The following NCALD variants were observed in gnomAD, a reference collection of about 807,000 sequenced individuals.
NCALD encodes neurocalcin-delta.
A neutral mutation model predicts 18.6 loss-of-function variants in NCALD; 10 were observed. That is an observed-to-expected ratio of 0.54 (90% CI 0.33 to 0.91). The LOEUF (loss-of-function observed/expected upper bound fraction) is 0.91. NCALD is among the 40% of genes least tolerant of loss of function. The probability of loss-of-function intolerance (pLI) is 0.03; values close to 1 mark genes in which losing one functional copy is unlikely to be tolerated. For synonymous variants in NCALD, 88 were observed against 87.4 expected (o/e 1.01, Z -0.04); for missense variants, 184 against 247.6 (o/e 0.74, Z 1.72).
At chr8:101,693,318 GTTTTTTTTTTTT>G (rs71276999) in intron 2 of NCALD, 4 of 60,010 alleles carry the variant, frequency 6.7e-5, no homozygotes, top group Admixed American at 2.3e-4. Context: ...CACACAGGGC[GTTTTTTTTTTTT>G]TTTTTTTTTT....
At chr8:101,794,278 A>C (rs1276386158), upstream of NCALD, among the ~76,000 whole-genome samples, 2 of 152,246 alleles carry the variant, frequency 1.3e-5, no homozygotes, top group East Asian at 1.9e-4. Flanking sequence ...CAGTTAGCAC[A>C]CAACCCAGAA....
chr8:102,075,848 G>A (rs1331447088), intron 1 of NCALD, among the ~76,000 whole-genome samples: 2 of 151,926 alleles, frequency 1.3e-5, no homozygotes, highest in African/African-American at 2.4e-5. Context: ...AGCTACCCAG[G>A]AGGCTGAGGC....
Position 101,974,359 on chromosome 8 carries a change from A to G in NCALD, c.-157+45878T>C, listed in dbSNP as rs563858461. 2.6e-5 allele frequency among the ~76,000 whole-genome samples: 4 copies of G among 152,304 alleles called. No individual in the cohort carries two copies. The East Asian group carries it at 5.8e-4, about 22-fold the overall frequency. ...TTTCCTTTGCAAATTTACCTTCATG[A>G]AAAGTCCCTGTCCCATTCTCTATCC... On this transcript the variant is annotated intron_variant, in intron 2 of 6. Transcript: ENST00000311028.
chr8:101,771,158 A>C (rs1811571168), intron 1 of NCALD, among the ~76,000 whole-genome samples: 1 of 152,240 alleles, frequency 6.6e-6, no homozygotes, highest in African/African-American at 2.4e-5. Context: ...TGAAACCCAC[A>C]AACAATAACA....
At chr8:102,093,088 G>A (rs1378176100) in intron 1 of NCALD, among the ~76,000 whole-genome samples, 2 of 152,066 alleles carry the variant, frequency 1.3e-5, no homozygotes, top group African/African-American at 4.8e-5. Flanking sequence ...AGCCCAGTGA[G>A]GTTGAGGCTG....
intron 1 of NCALD, among the ~76,000 whole-genome samples, chr8:101,779,575 C>T (rs1477627097): frequency 6.6e-6 from 1 of 152,084 alleles, no homozygotes; most frequent in South Asian, 2.1e-4. Flanking sequence ...CAAAGTTAAG[C>T]CTCTCTGGTC....
chr8:102,081,563 A>AAAAAAACAAAAAAAACAAACAAAC (rs1563601049), intron 1 of NCALD, among the ~76,000 whole-genome samples: 2 of 108,364 alleles, frequency 1.8e-5, no homozygotes, highest in African/African-American at 9.1e-5. Flanking sequence ...AAAAAAAAAA[A>AAAAAAACAAAAAAAACAAACAAAC]AAAAAAAAAA....
chr8:101,894,168 G>T (rs1368907293), intron 3 of NCALD, among the ~76,000 whole-genome samples: 1 of 136,198 alleles, frequency 7.3e-6, no homozygotes, highest in South Asian at 2.3e-4. Flanking sequence ...CTATCTCTCA[G>T]ACCACAGTGC....
At chr8:102,012,657 ATCATGCAGTGAGCT>A (rs1821946310) in intron 2 of NCALD, among the ~76,000 whole-genome samples, 1 of 152,214 alleles carries the variant, frequency 6.6e-6, no homozygotes, top group African/African-American at 2.4e-5. Flanking sequence ...CTAATGATGA[ATCATGCAGTGAGCT>A]TCTGAAACAG....
At chr8:102,115,446 T>A (rs532949814) in intron 1 of NCALD, among the ~76,000 whole-genome samples, 2 of 152,342 alleles carry the variant, frequency 1.3e-5, no homozygotes, top group South Asian at 4.1e-4. Context: ...ATTTTGGCTC[T>A]TCCCCAGTTA....
intron 1 of NCALD, among the ~76,000 whole-genome samples, chr8:102,069,203 A>G (rs1824103821): frequency 6.6e-6 from 1 of 152,198 alleles, no homozygotes; most frequent in Admixed American, 6.5e-5. Flanking sequence ...ACCACAAAAA[A>G]AAAAATGATA....
At chr8:101,898,613 G>A (rs368061548) in intron 3 of NCALD, among the ~76,000 whole-genome samples, 2 of 152,054 alleles carry the variant, frequency 1.3e-5, no homozygotes, top group East Asian at 3.9e-4. Flanking sequence ...AGATTTTCTG[G>A]TATGTTTTCT....
chr8:101,861,192 T>G (rs1815527857), intron 4 of NCALD, among the ~76,000 whole-genome samples: 1 of 152,062 alleles, frequency 6.6e-6, no homozygotes. Flanking sequence ...GTCATTAAGT[T>G]TGTAGTAATT....
chr8:101,798,662 A>G (rs1383838777), intron 4 of NCALD, among the ~76,000 whole-genome samples: 2 of 152,256 alleles, frequency 1.3e-5, no homozygotes, highest in Non-Finnish European at 2.9e-5. Context: ...AATTATTCTG[A>G]AATTTATTTT....
chr8:101,888,040 A>G (rs922089224), intron 3 of NCALD, among the ~76,000 whole-genome samples: 4 of 152,222 alleles, frequency 2.6e-5, no homozygotes, highest in Non-Finnish European at 5.9e-5. Flanking sequence ...TGGCAGTCCC[A>G]GTGAAAGTTC....
chr8:101,895,902 G>A (rs1159055899), intron 3 of NCALD, among the ~76,000 whole-genome samples: 1 of 149,872 alleles, frequency 6.7e-6, no homozygotes, highest in African/African-American at 2.5e-5. Context: ...ATGCTCATGG[G>A]TAGGAAGAAT....
intron 2 of NCALD, among the ~76,000 whole-genome samples, chr8:101,959,031 A>C (rs1563933724): frequency 6.6e-6 from 1 of 152,128 alleles, no homozygotes. Flanking sequence ...CTGAAGCAAT[A>C]CTACTATCTC....
intron 2 of NCALD, among the ~76,000 whole-genome samples, chr8:101,929,253 A>AGG (rs1818451018): frequency 1.2e-5 from 1 of 80,848 alleles, no homozygotes; most frequent in African/African-American, 6.2e-5. Context: ...GAGGAGGAGG[A>AGG]AGGGATGGAG....
At chr8:102,063,200 G>A (rs1288181150) in intron 1 of NCALD, among the ~76,000 whole-genome samples, 3 of 152,096 alleles carry the variant, frequency 2.0e-5, no homozygotes, top group Non-Finnish European at 4.4e-5. Context: ...ATTTGAATAC[G>A]GTGCCGACTG....
Sources: gnomAD v4.1 joint callset for allele counts (sites outside exome capture counted in the v4.1 genomes callset) on GRCh38, gnomAD v4.1.1 for gene constraint, MANE v1.5 for transcripts, NCBI Gene and HGNC (gene_info 2026-07-23, HGNC 2026-07-21) for gene names.